Variants in LEKR1 observed in about 807,000 individuals in gnomAD.
LEKR1 encodes protein LEKR1.
A neutral mutation model predicts 72.4 loss-of-function variants in LEKR1; 59 were observed. The observed-to-expected ratio is 0.82, with a 90% CI of 0.66 to 1.01. The LOEUF (loss-of-function observed/expected upper bound fraction) is 1.01, where lower values mean the gene tolerates loss of function less well. Ranked by LOEUF, LEKR1 falls within the 50% of genes least tolerant of loss-of-function variation. The pLI is 0.00. For synonymous variants in LEKR1, 257 were observed against 263.2 expected (o/e 0.98, Z 0.23); for missense variants, 728 against 759.2 (o/e 0.96, Z 0.48).
Position 156,853,050 on chromosome 3 carries a change from T to C in LEKR1, c.263+68T>C, listed in dbSNP as rs900156153. 35 of 1,064,260 alleles carry C rather than the reference T, an allele frequency of 3.3e-5. No homozygotes were observed. The Admixed American group carries it at 8.8e-4, about 27-fold the overall frequency. The allele number at this position is 1,064,260 out of a possible 1,614,324, so 65.9% of individuals were successfully genotyped here. On this transcript the variant is annotated intron_variant, in intron 3 of 12. Transcript: ENST00000356539. ...ACAGCTACAGGAAATAAATACACTT[T>C]GAATGTTTTTCTAAAATTTCTCTAC...
intron 10 of LEKR1, among the ~76,000 whole-genome samples, chr3:157,012,277 T>C (rs1009916032): frequency 6.6e-6 from 1 of 152,130 alleles, no homozygotes; most frequent in African/African-American, 2.4e-5. Context: ...GTGACTGGTA[T>C]CTATGCCTAG....
intron 3 of LEKR1, among the ~76,000 whole-genome samples, chr3:156,916,246 C>CT (rs937470160): frequency 1.4e-4 from 21 of 150,944 alleles, no homozygotes; most frequent in East Asian, 9.7e-4. Context: ...TATTTGGGCT[C>CT]TTTTTTTTTG....
chr3:156,897,824 G>A (rs904343399), intron 3 of LEKR1, among the ~76,000 whole-genome samples: 9 of 152,030 alleles, frequency 5.9e-5, no homozygotes, highest in African/African-American at 1.7e-4. Flanking sequence ...ATGGTGGCAG[G>A]TGCCTGTAAT....
intron 2 of LEKR1, among the ~76,000 whole-genome samples, chr3:156,829,612 A>C (rs990069839): frequency 3.9e-5 from 6 of 152,216 alleles, no homozygotes; most frequent in African/African-American, 1.4e-4. Flanking sequence ...GTATTTGACC[A>C]GGTGGTTGTG....
At chr3:156,861,651 T>C (rs1385223511) in intron 3 of LEKR1, among the ~76,000 whole-genome samples, 1 of 152,096 alleles carries the variant, frequency 6.6e-6, no homozygotes, top group Non-Finnish European at 1.5e-5. Flanking sequence ...AAAACATTCA[T>C]TTTCAGGCCA....
intron 7 of LEKR1, among the ~76,000 whole-genome samples, chr3:156,982,476 C>G (rs1730285776): frequency 6.6e-6 from 1 of 152,192 alleles, no homozygotes; most frequent in Non-Finnish European, 1.5e-5. Flanking sequence ...GAACCCTTTA[C>G]ATATCCTCTC....
At chr3:156,853,153 C>G (rs1024071275) in intron 3 of LEKR1, 171 bp downstream of exon 3, 3 of 346,680 alleles carry the variant, frequency 8.7e-6, no homozygotes, top group African/African-American at 6.4e-5. Flanking sequence ...TTATAGTTTG[C>G]TTTCTTTTGA....
intron 9 of LEKR1, among the ~76,000 whole-genome samples, chr3:157,010,165 T>G (rs1732774480): frequency 6.6e-6 from 1 of 151,984 alleles, no homozygotes; most frequent in Non-Finnish European, 1.5e-5. Flanking sequence ...AAGAAACAAA[T>G]TTTTGTTTCA....
At chr3:156,829,189 C>T (rs557374437) in intron 1 of LEKR1, 97 bp from the exon 2 acceptor site, 1 of 577,442 alleles carries the variant, frequency 1.7e-6, no homozygotes, top group Non-Finnish European at 3.1e-6. Context: ...CAGTTATCAC[C>T]ATTCATCCCC....
intron 2 of LEKR1, among the ~76,000 whole-genome samples, chr3:156,841,711 A>G (rs902467641): frequency 5.3e-5 from 8 of 152,236 alleles, no homozygotes; most frequent in Non-Finnish European, 1.5e-5. Context: ...AGCCTATGAC[A>G]GTACCGTCTT....
chr3:157,002,047 C>A (rs542608058), intron 9 of LEKR1, among the ~76,000 whole-genome samples: 74 of 152,164 alleles, frequency 4.9e-4, no homozygotes, highest in Non-Finnish European at 8.7e-4. Flanking sequence ...AAAAATCAGA[C>A]CTAGGAGTAC....
intron 3 of LEKR1, among the ~76,000 whole-genome samples, chr3:156,856,077 C>T (rs562486204): frequency 7.9e-5 from 12 of 152,256 alleles, no homozygotes; most frequent in Admixed American, 2.6e-4. Context: ...GTAGAAACAA[C>T]AACATATGTT....
intron 9 of LEKR1, among the ~76,000 whole-genome samples, chr3:157,003,756 A>G (rs539213276): frequency 1.3e-5 from 2 of 152,338 alleles, no homozygotes; most frequent in Admixed American, 1.3e-4. Flanking sequence ...TTTGGAGGCA[A>G]TTATTCAGCC....
intron 3 of LEKR1, among the ~76,000 whole-genome samples, chr3:156,856,278 A>G (rs1716051610): frequency 1.3e-5 from 2 of 151,924 alleles, no homozygotes; most frequent in South Asian, 2.1e-4. Flanking sequence ...CTTCTAGCGT[A>G]TTTCTGGACG....
In LEKR1 at chr3:157,043,047, G is replaced by A. The variant is rs190788522; in HGVS notation, c.1669-2293G>A. ...TGGTGCTGTTCTTGTGATACTGAATGAGTTCTCATGAGATCTGGTTGTTTA... is the reference window on the plus strand; with the variant it reads ...TGGTGCTGTTCTTGTGATACTGAATAAGTTCTCATGAGATCTGGTTGTTTA... On this transcript the variant is annotated intron_variant, in intron 12 of 12. Coordinates refer to ENST00000356539, the MANE Select transcript of LEKR1 (RefSeq NM_001004316.3). Among the ~76,000 whole-genome samples, 494 of 152,248 alleles carry A rather than the reference G, an allele frequency of 3.2e-3. 1 individual carries two copies. Among genetic ancestry groups the A allele is most frequent in the Non-Finnish European group, 4.5e-3 (303 of 68,022 alleles).
intron 3 of LEKR1, among the ~76,000 whole-genome samples, chr3:156,893,878 T>C (rs1246479501): frequency 6.6e-6 from 1 of 152,194 alleles, no homozygotes; most frequent in African/African-American, 2.4e-5. Context: ...AAAATTGGCC[T>C]TGGGGTAATG....
intron 2 of LEKR1, among the ~76,000 whole-genome samples, chr3:156,831,844 C>T (rs768190036): frequency 4.6e-5 from 7 of 152,102 alleles, no homozygotes; most frequent in African/African-American, 9.7e-5. Context: ...TATCAAATGA[C>T]CAAGGGCAGT....
intron 3 of LEKR1, among the ~76,000 whole-genome samples, chr3:156,912,909 C>T (rs2108569252): frequency 6.6e-6 from 1 of 152,292 alleles, no homozygotes; most frequent in East Asian, 1.9e-4. Context: ...TGGAGGCAGA[C>T]TCCCCTACCT....
At position 157,046,055 on chromosome 3, in the gene LEKR1, C is replaced by A. The variant is rs755126526; in HGVS notation, c.*305C>A. 3 of 261,558 alleles carry A rather than the reference C, an allele frequency of 1.1e-5. No individual in the cohort carries two copies. Among genetic ancestry groups the A allele is most frequent in the Non-Finnish European group, 2.2e-5 (3 of 138,234 alleles). The allele number at this position is 261,558 out of a possible 1,614,324, so 16.2% of individuals were successfully genotyped here. On this transcript the variant is annotated 3_prime_UTR_variant, in exon 13 of 13. Transcript: ENST00000356539. The stretch of plus-strand genomic sequence containing the variant: ...AGAGATCACAGGTAAAATTTTTCAC[C>A]CATAACATCTTTTCAATTTCTTGCG...
Sources: gnomAD v4.1 joint callset for allele counts (sites outside exome capture counted in the v4.1 genomes callset) on GRCh38, gnomAD v4.1.1 for gene constraint, MANE v1.5 for transcripts, NCBI Gene and HGNC (gene_info 2026-07-23, HGNC 2026-07-21) for gene names.